The following DIS3L2 variants were observed in gnomAD, a reference collection of about 807,000 sequenced individuals.
DIS3L2 encodes DIS3 like 3'-5' exoribonuclease 2.
DIS3L2 carries 34 observed loss-of-function variants against 97.5 expected under a neutral mutation model. The ratio of observed to expected loss-of-function variants is 0.35; its 90% confidence interval spans 0.27 to 0.46. DIS3L2 has a LOEUF of 0.46. Ranked by LOEUF, DIS3L2 falls within the 20% of genes least tolerant of loss-of-function variation. The pLI, the probability that DIS3L2 is intolerant of heterozygous loss-of-function variation, is 1.00. For missense variants in DIS3L2, 1,038 were observed against 1,146.0 expected (o/e 0.91, Z 1.36); for synonymous variants, 435 against 445.2 (o/e 0.98, Z 0.29).
At position 231,969,896 on chromosome 2, in the gene DIS3L2, G is replaced by A. The variant is rs116006554; in HGVS notation, c.-94+8131G>A. On this transcript the variant is annotated intron_variant, in intron 1 of 20. Coordinates refer to ENST00000325385, the MANE Select transcript of DIS3L2 (RefSeq NM_152383.5). ...ACTGAGATTTTTTTTTTTTTCGAGAGTGAACATTGGGTTTTGTTAAGTGCT... is the reference window on the plus strand; with the variant it reads ...ACTGAGATTTTTTTTTTTTTCGAGAATGAACATTGGGTTTTGTTAAGTGCT... 3.4e-3 allele frequency among the ~76,000 whole-genome samples: 505 copies of A among 150,456 alleles called. 5 individuals carry two copies. The highest frequency in any genetic ancestry group is 0.012 in the African/African-American group (475 of 41,004).
At chr2:232,272,906 G>T (rs1390343350) in intron 13 of DIS3L2, among the ~76,000 whole-genome samples, 2 of 152,086 alleles carry the variant, frequency 1.3e-5, no homozygotes, top group Admixed American at 6.5e-5. Flanking sequence ...GAAGAACTCT[G>T]AAAGCAAAAT....
At chr2:232,231,959 G>T (rs1393983847) in intron 10 of DIS3L2, among the ~76,000 whole-genome samples, 1 of 152,214 alleles carries the variant, frequency 6.6e-6, no homozygotes, top group Non-Finnish European at 1.5e-5. Context: ...CCTGCCGGAG[G>T]AAGTGACTTT....
At chr2:232,073,369 T>C (rs1696090793) in intron 5 of DIS3L2, among the ~76,000 whole-genome samples, 1 of 152,180 alleles carries the variant, frequency 6.6e-6, no homozygotes, top group South Asian at 2.1e-4. Context: ...GTGCACAAAG[T>C]GTCAGTGGAC....
intron 1 of DIS3L2, among the ~76,000 whole-genome samples, chr2:231,963,698 C>G (rs1365572065): frequency 3.3e-5 from 5 of 152,064 alleles, no homozygotes; most frequent in African/African-American, 1.2e-4. Flanking sequence ...CCTGGGTTTT[C>G]TTCTAGGATT....
chr2:232,288,525 C>A (rs1030015697), intron 13 of DIS3L2, among the ~76,000 whole-genome samples: 14 of 152,220 alleles, frequency 9.2e-5, no homozygotes, highest in Admixed American at 3.9e-4. Context: ...CCACCACCAA[C>A]CCCAGAATCT....
intron 11 of DIS3L2, among the ~76,000 whole-genome samples, chr2:232,241,185 C>G (rs1693071057): frequency 6.6e-6 from 1 of 152,262 alleles, no homozygotes; most frequent in Non-Finnish European, 1.5e-5. Flanking sequence ...TCTTAAAGGA[C>G]TGTGTCCAGG....
intron 10 of DIS3L2, among the ~76,000 whole-genome samples, chr2:232,219,598 G>A (rs755644021): frequency 1.1e-4 from 17 of 151,998 alleles, no homozygotes; most frequent in Non-Finnish European, 2.9e-5. Context: ...TGTCTCAGTG[G>A]TACCTATAAG....
In DIS3L2 at chr2:232,300,555, T is replaced by C. The variant is rs10185149; in HGVS notation, c.1739+436T>C. Among the ~76,000 whole-genome samples, 1,326 of 152,294 alleles carry C rather than the reference T, an allele frequency of 8.7e-3. 19 individuals are homozygous for C. The highest frequency in any genetic ancestry group is 0.031 in the African/African-American group (1,281 of 41,568). Reference sequence around the variant, plus strand: ...AATTTTATATTAATGGTTGGGAGATTTCCGGGTACTTACAGAGATTTAAAT... The same window carrying C: ...AATTTTATATTAATGGTTGGGAGATCTCCGGGTACTTACAGAGATTTAAAT... On this transcript the variant is annotated intron_variant, in intron 14 of 20. Transcript: ENST00000325385.
intron 14 of DIS3L2, 28 bp from the exon 15 acceptor site, chr2:232,329,785 T>TGCCCGGGGCC: frequency 3.1e-6 from 3 of 967,142 alleles, no homozygotes; most frequent in South Asian, 2.1e-5. Flanking sequence ...ACCCCAGCGG[T>TGCCCGGGGCC]CCCTCCCATC....
chr2:232,280,862 A>G lies in DIS3L2; in HGVS notation c.1659+17422A>G, dbSNP rs148242076. On this transcript the variant is annotated intron_variant, in intron 13 of 20. Coordinates refer to ENST00000325385, the MANE Select transcript of DIS3L2 (RefSeq NM_152383.5). Reference sequence around the variant, plus strand: ...CAAGAAATGCATGGTCCACTCTGTGATCCATGCTAGGTTGTAGAAGCTGGC... The same window carrying G: ...CAAGAAATGCATGGTCCACTCTGTGGTCCATGCTAGGTTGTAGAAGCTGGC... 3.2e-3 allele frequency among the ~76,000 whole-genome samples: 489 copies of G among 152,360 alleles called. 3 individuals are homozygous for G. The highest frequency in any genetic ancestry group is 0.011 in the African/African-American group (444 of 41,586).
rs746809923 is a variant in DIS3L2, at chr2:232,330,642, G to A, written c.1924-48G>A. 1.9e-6 allele frequency: 3 copies of A among 1,596,096 alleles called. No homozygotes were observed. In the Admixed American group the frequency reaches 5.0e-5, roughly 27 times the overall value. On this transcript the variant is annotated intron_variant, in intron 15 of 20. Coordinates refer to ENST00000325385, the MANE Select transcript of DIS3L2 (RefSeq NM_152383.5). ...GCGGATGACAGGGCCCAGAGTCTCT[G>A]CCCGAGCTGGACCACACGTCACATA... is the stretch of plus-strand genomic sequence containing the variant.
chr2:232,191,719 T>C (rs1160891289), intron 9 of DIS3L2, among the ~76,000 whole-genome samples: 1 of 152,200 alleles, frequency 6.6e-6, no homozygotes, highest in Non-Finnish European at 1.5e-5. Context: ...TAAGTTTATA[T>C]ATGGGAGAAT....
intron 10 of DIS3L2, among the ~76,000 whole-genome samples, chr2:232,233,142 G>A (rs1007913035): frequency 6.6e-6 from 1 of 152,212 alleles, no homozygotes; most frequent in African/African-American, 2.4e-5. Flanking sequence ...TATATTAAAA[G>A]GCTTTCCAGG....
At chr2:232,102,191 A>T (rs1697222805) in intron 6 of DIS3L2, among the ~76,000 whole-genome samples, 1 of 152,244 alleles carries the variant, frequency 6.6e-6, no homozygotes. Flanking sequence ...TACTGGAAAT[A>T]CAGGGGATAT....
At chr2:231,982,038 GAAAAAA>G (rs34177735) in intron 1 of DIS3L2, among the ~76,000 whole-genome samples, 1 of 145,804 alleles carries the variant, frequency 6.9e-6, no homozygotes, top group African/African-American at 2.5e-5. Flanking sequence ...CTCTCAAAAA[GAAAAAA>G]AAAAAAGAAA....
intron 5 of DIS3L2, among the ~76,000 whole-genome samples, chr2:232,055,838 A>G (rs1695533236): frequency 1.3e-5 from 2 of 152,200 alleles, no homozygotes; most frequent in Non-Finnish European, 2.9e-5. Flanking sequence ...CTTGATTATG[A>G]TAAAGGGAAC....
chr2:232,090,263 C>T lies in DIS3L2; in HGVS notation c.601+2542C>T, dbSNP rs979362864. 5.3e-5 allele frequency among the ~76,000 whole-genome samples: 8 copies of T among 152,236 alleles called. No individual in the cohort carries two copies. The South Asian group carries it at 1.7e-3, about 32-fold the overall frequency. ...CCCTCTTTCTTACAAGTAAATATCA[C>T]TGAGTACGTTACAAGCCCGCTGTAT... On this transcript the variant is annotated intron_variant, in intron 6 of 20. Coordinates refer to ENST00000325385, the MANE Select transcript of DIS3L2 (RefSeq NM_152383.5).
Position 232,128,236 on chromosome 2 carries a change from G to A in DIS3L2, c.602-2383G>A, listed in dbSNP as rs547530206. 1.1e-4 allele frequency among the ~76,000 whole-genome samples: 17 copies of A among 152,068 alleles called. No homozygotes were observed. In the East Asian group the frequency reaches 2.3e-3, roughly 21 times the overall value. On this transcript the variant is annotated intron_variant, in intron 6 of 20. Transcript: ENST00000325385. The stretch of plus-strand genomic sequence containing the variant: ...CTCCTGAAGTGCTGGGATTACAGGC[G>A]TGAGCCAACATGCCCACCCTATAAT...
At chr2:232,062,933 G>A (rs1344872404) in intron 5 of DIS3L2, among the ~76,000 whole-genome samples, 3 of 151,858 alleles carry the variant, frequency 2.0e-5, no homozygotes, top group Non-Finnish European at 2.9e-5. Context: ...CATAGGGTTT[G>A]TTCTGGTTTC....
Sources: gnomAD v4.1 joint callset for allele counts (sites outside exome capture counted in the v4.1 genomes callset) on GRCh38, gnomAD v4.1.1 for gene constraint, MANE v1.5 for transcripts, NCBI Gene and HGNC (gene_info 2026-07-23, HGNC 2026-07-21) for gene names.